USP37: variants seen among roughly 807,000 people sequenced by gnomAD.
USP37 encodes the protein ubiquitin specific peptidase 37, also known as ubiquitin carboxyl-terminal hydrolase 37.
Under a neutral mutation model 124.0 loss-of-function variants are expected in USP37, and 27 were observed. That is an observed-to-expected ratio of 0.22 (90% confidence interval 0.16 to 0.30). The LOEUF (loss-of-function observed/expected upper bound fraction) is 0.30. Ranked by LOEUF, USP37 falls within the 10% of genes least tolerant of loss-of-function variation. The pLI, the probability that USP37 is intolerant of heterozygous loss-of-function variation, is 1.00. For synonymous variants in USP37, 365 were observed against 388.0 expected, an observed-to-expected ratio of 0.94 and a Z score of 0.70; for missense variants, 889 against 1,140.4, an observed-to-expected ratio of 0.78 and a Z score of 3.17.
chr2:218,544,187 C>T (rs553467754), intron 8 of USP37, among the ~76,000 whole-genome samples: 1 of 151,800 alleles, frequency 6.6e-6, no homozygotes, highest in Non-Finnish European at 1.5e-5. Flanking sequence ...CCAGACCAGC[C>T]TGGACAACAT....
chr2:218,526,938 G>A (rs1010490560), intron 10 of USP37, among the ~76,000 whole-genome samples: 13 of 151,544 alleles, frequency 8.6e-5, no homozygotes, highest in East Asian at 3.9e-4. Context: ...ACAGGCGCCC[G>A]CCACCACGCC....
At chr2:218,492,983 G>A (rs1468675908) in intron 14 of USP37, among the ~76,000 whole-genome samples, 13 of 151,906 alleles carry the variant, frequency 8.6e-5, no homozygotes, top group Admixed American at 4.6e-4. Flanking sequence ...CTCCAGCCTG[G>A]GTGACAGAGC....
intron 17 of USP37, among the ~76,000 whole-genome samples, chr2:218,480,387 A>G (rs1691200007): frequency 7.8e-6 from 1 of 128,870 alleles, no homozygotes; most frequent in African/African-American, 3.1e-5. Flanking sequence ...CGACAGAGCG[A>G]GACTCCGTCT....
chr2:218,550,042 G>C (rs1692578271), intron 5 of USP37, 133 bp from the exon 6 acceptor site: 4 of 583,036 alleles, frequency 6.9e-6, no homozygotes, highest in Non-Finnish European at 1.1e-5. Context: ...ACAAATCAAA[G>C]TGCCTATCAA....
chr2:218,527,269 CACTCT>C (rs1354532900), intron 10 of USP37, among the ~76,000 whole-genome samples: 1 of 152,164 alleles, frequency 6.6e-6, no homozygotes, highest in Non-Finnish European at 1.5e-5. Context: ...CATGTCTTTG[CACTCT>C]ACTCAGGGAG....
intron 1 of USP37, among the ~76,000 whole-genome samples, chr2:218,563,879 AACACATTGAG>A (rs1468399397): frequency 6.6e-6 from 1 of 151,990 alleles, no homozygotes; most frequent in Non-Finnish European, 1.5e-5. Flanking sequence ...TGTGGTCTCG[AACACATTGAG>A]ACCACAATGT....
At chr2:218,533,708 A>G (rs1691464516) in intron 9 of USP37, among the ~76,000 whole-genome samples, 1 of 152,212 alleles carries the variant, frequency 6.6e-6, no homozygotes, top group South Asian at 2.1e-4. Flanking sequence ...TAAAAGAAGA[A>G]TATTCCTAGG....
In USP37 at chr2:218,474,696, T is replaced by C; in HGVS notation, c.2233A>G (p.Ile745Val). The change falls in exon 20 of 26, where the codon ATT becomes GTT. Residue 745 changes from isoleucine (I) to valine (V), a missense_variant. Transcript: ENST00000258399. ...TCTGGATTTTCTGGCATTTCTTGAATATCATCTTCTGCAAATCCGGTATCT... is the reference window on the plus strand; with the variant it reads ...TCTGGATTTTCTGGCATTTCTTGAACATCATCTTCTGCAAATCCGGTATCT... ...SPDTGFAEDDIQEMPENPDTM... is the reference protein window; with the variant it reads ...SPDTGFAEDDVQEMPENPDTM... 6.2e-7 allele frequency: 1 copy of C among 1,614,216 alleles called. No homozygotes were observed. The highest frequency in any genetic ancestry group is 1.3e-5 in the African/African-American group (1 of 75,070).
intron 10 of USP37, chr2:218,528,926 CTTTTGAT>C: frequency 5.1e-6 from 2 of 393,956 alleles, no homozygotes; most frequent in Admixed American, 4.5e-5. Flanking sequence ...TGTAATACAG[CTTTTGAT>C]TTTTAAGGGA....
At chr2:218,524,255 T>A (rs2106017832) in intron 10 of USP37, among the ~76,000 whole-genome samples, 1 of 152,304 alleles carries the variant, frequency 6.6e-6, no homozygotes, top group African/African-American at 2.4e-5. Context: ...AATTCCTAGA[T>A]TAGTTATGTA....
At chr2:218,461,885 G>A (rs868430483) in intron 22 of USP37, among the ~76,000 whole-genome samples, 4 of 152,122 alleles carry the variant, frequency 2.6e-5, no homozygotes, top group Non-Finnish European at 5.9e-5. Context: ...ACCTGGGCAC[G>A]GTGGCTCACA....
intron 23 of USP37, among the ~76,000 whole-genome samples, chr2:218,458,625 TAC>T (rs1689837179): frequency 6.6e-6 from 1 of 152,130 alleles, no homozygotes; most frequent in Non-Finnish European, 1.5e-5. Flanking sequence ...GCTATAAGCA[TAC>T]AGTTTCCCAA....
In USP37 at chr2:218,546,992, T is replaced by C; in HGVS notation, c.529A>G (p.Ser177Gly). The change falls in exon 7 of 26, where the codon AGT (serine) becomes GGT (glycine). Residue 177 changes from serine (S) to glycine (G), a missense_variant. Transcript: ENST00000258399. ...GRGSIKTVAGSGIARTIPSLT... is the reference protein window; with the variant it reads ...GRGSIKTVAGGGIARTIPSLT... ...GAAGGAATCGTCCGAGCTATTCCAC[T>C]TCCTGCTACAGTCTTAATCGATCCT... 3 of 1,613,832 alleles carry C rather than the reference T, an allele frequency of 1.9e-6. 1 individual carries two copies. The South Asian group carries it at 3.3e-5, about 18-fold the overall frequency.
rs180917720 is a variant in USP37 at position 218,558,810 on chromosome 2, C to T, written c.-24-133G>A. On this transcript the variant is annotated intron_variant, in intron 3 of 25. Coordinates refer to ENST00000258399, the MANE Select transcript of USP37 (RefSeq NM_020935.3). The stretch of plus-strand genomic sequence containing the variant: ...CTGCGCCTTCATTTTCCCTTCTTTG[C>T]CATGTGTCCAGTACTGTATTTATTA... 54 of 658,170 alleles carry T rather than the reference C, an allele frequency of 8.2e-5. No homozygotes were observed. In the East Asian group the frequency reaches 1.5e-3, roughly 18 times the overall value. The allele number at this position is 658,170 out of a possible 1,614,324, so 40.8% of individuals were successfully genotyped here.
chr2:218,502,229 T>C (rs1009820847), intron 11 of USP37, among the ~76,000 whole-genome samples: 8 of 151,966 alleles, frequency 5.3e-5, no homozygotes, highest in Non-Finnish European at 1.5e-5. Context: ...CTCTACACGA[T>C]CAAGAATGGA....
chr2:218,506,180 C>T (rs184253316), intron 11 of USP37, among the ~76,000 whole-genome samples: 1 of 151,512 alleles, frequency 6.6e-6, no homozygotes, highest in Admixed American at 6.6e-5. Context: ...TAGTTTTTAA[C>T]ACTACTTCTG....
chr2:218,476,837 T>G lies in USP37; in HGVS notation c.2043+3A>C. 12 of 1,591,884 alleles carry G rather than the reference T, an allele frequency of 7.5e-6. No homozygotes were observed. Among genetic ancestry groups the G allele is most frequent in the Non-Finnish European group, 1.0e-5 (12 of 1,173,810 alleles). On this transcript the variant is annotated splice_donor_region_variant and intron_variant, in intron 19 of 25. Coordinates refer to ENST00000258399, the MANE Select transcript of USP37 (RefSeq NM_020935.3). ...TCAGATGTTTTAAGAAAATATTACT[T>G]ACTTTTTCCAGGTCTTCCTGCTGCT...
intron 10 of USP37, among the ~76,000 whole-genome samples, chr2:218,515,450 G>T (rs1690225084): frequency 6.6e-6 from 1 of 152,146 alleles, no homozygotes; most frequent in Admixed American, 6.5e-5. Flanking sequence ...ATGGGGAAAG[G>T]ATTCCCTATT....
chr2:218,463,005 T>C (rs551554032), intron 22 of USP37, among the ~76,000 whole-genome samples: 47 of 152,064 alleles, frequency 3.1e-4, no homozygotes, highest in Admixed American at 1.1e-3. Flanking sequence ...CCGTCTCTAC[T>C]GAAAATACAA....
Sources: gnomAD v4.1 joint callset for allele counts (sites outside exome capture counted in the v4.1 genomes callset) on GRCh38, gnomAD v4.1.1 for gene constraint, MANE v1.5 for transcripts, NCBI Gene and HGNC (gene_info 2026-07-23, HGNC 2026-07-21) for gene names.